Variants in SLC71A2 observed in about 807,000 individuals in gnomAD.
SLC71A2 encodes the protein solute carrier family 71 member 2.
At chr9:94,454,170 G>C in the SLC71A2 span, 1 of 789,814 alleles carries the variant, frequency 1.3e-6, no homozygotes, top group East Asian at 2.5e-5. Context: ...GGGTTATTTT[G>C]CTGGTTTGGT....
chr9:94,459,343 A>C, the SLC71A2 span: 1 of 1,614,122 alleles, frequency 6.2e-7, no homozygotes, highest in Non-Finnish European at 8.5e-7. Flanking sequence ...TTGAGCCACT[A>C]CTGCAAGACA....
At chr9:94,422,906 T>C in the SLC71A2 span, among the ~76,000 whole-genome samples, 1 of 151,170 alleles carries the variant, frequency 6.6e-6, no homozygotes, top group Non-Finnish European at 1.5e-5. Context: ...TATTGATATA[T>C]TTTCCTTATT....
chr9:94,419,298 C>CTT, the SLC71A2 span, among the ~76,000 whole-genome samples: 1,037 of 132,642 alleles, frequency 7.8e-3, 15 homozygotes, highest in Middle Eastern at 0.012. Context: ...ACTTTTTTTT[C>CTT]TTTTTTTTTT....
At chr9:94,445,960 T>G in the SLC71A2 span, among the ~76,000 whole-genome samples, 1 of 152,192 alleles carries the variant, frequency 6.6e-6, no homozygotes, top group Non-Finnish European at 1.5e-5. Context: ...AAGAAATATT[T>G]AGAGAAGGAA....
the SLC71A2 span, among the ~76,000 whole-genome samples, chr9:94,404,622 T>G: frequency 6.6e-6 from 1 of 152,206 alleles, no homozygotes; most frequent in Non-Finnish European, 1.5e-5. Context: ...TTCATGTGCT[T>G]CTTGGCCATT....
the SLC71A2 span, among the ~76,000 whole-genome samples, chr9:94,381,710 C>T: frequency 2.6e-4 from 39 of 152,290 alleles, 1 homozygote; most frequent in Middle Eastern, 0.01. Flanking sequence ...GTGGCTCATG[C>T]GTGTAATCCC....
chr9:94,406,193 G>GA, the SLC71A2 span, among the ~76,000 whole-genome samples: 1 of 145,480 alleles, frequency 6.9e-6, no homozygotes, highest in Non-Finnish European at 1.5e-5. Flanking sequence ...TCAGCCTCCT[G>GA]AGTAGATGGG....
At chr9:94,407,508 A>T in the SLC71A2 span, among the ~76,000 whole-genome samples, 1 of 151,812 alleles carries the variant, frequency 6.6e-6, no homozygotes, top group Non-Finnish European at 1.5e-5. Flanking sequence ...TCACCTGAGT[A>T]GCTGAGATTA....
chr9:94,391,443 A>G, the SLC71A2 span, among the ~76,000 whole-genome samples: 1 of 151,640 alleles, frequency 6.6e-6, no homozygotes, highest in African/African-American at 2.4e-5. Context: ...AAGCAGATTG[A>G]ATTTTGGGGA....
chr9:94,374,951 C>T, the SLC71A2 span: 2 of 1,256,628 alleles, frequency 1.6e-6, no homozygotes, highest in Middle Eastern at 3.1e-4. Context: ...CGGGGCCCGG[C>T]TGCCTGAATC....
the SLC71A2 span, among the ~76,000 whole-genome samples, chr9:94,404,488 G>C: frequency 6.6e-6 from 1 of 151,986 alleles, no homozygotes; most frequent in Non-Finnish European, 1.5e-5. Flanking sequence ...TAGAGACAGG[G>C]TTTCACCATG....
At chr9:94,413,439 T>G in the SLC71A2 span, among the ~76,000 whole-genome samples, 1 of 152,100 alleles carries the variant, frequency 6.6e-6, no homozygotes, top group Non-Finnish European at 1.5e-5. Context: ...TTTAAAAAGT[T>G]AATTGCAGCA....
the SLC71A2 span, among the ~76,000 whole-genome samples, chr9:94,439,173 C>T: frequency 1.3e-5 from 2 of 151,912 alleles, no homozygotes; most frequent in East Asian, 3.9e-4. Context: ...AGACGCCCGG[C>T]TAATTTTTGT....
the SLC71A2 span, chr9:94,456,196 T>G: frequency 2.8e-6 from 4 of 1,421,210 alleles, no homozygotes; most frequent in South Asian, 1.2e-5. Flanking sequence ...GTGAGCTCCT[T>G]GAGGTTGACC....
chr9:94,455,204 G>A, the SLC71A2 span, among the ~76,000 whole-genome samples: 1 of 110,572 alleles, frequency 9.0e-6, no homozygotes, highest in East Asian at 2.9e-4. Flanking sequence ...GTCTGGCTGT[G>A]TTGCCTAGGC....
the SLC71A2 span, chr9:94,444,869 G>C: frequency 0.079 from 87,912 of 1,117,774 alleles, 8,309 homozygotes; most frequent in Admixed American, 0.35. Context: ...CTTTCCTGAA[G>C]GTGTGCACCT....
At chr9:94,404,623 C>T in the SLC71A2 span, among the ~76,000 whole-genome samples, 1 of 152,128 alleles carries the variant, frequency 6.6e-6, no homozygotes, top group Admixed American at 6.6e-5. Context: ...TCATGTGCTT[C>T]TTGGCCATTT....
the SLC71A2 span, among the ~76,000 whole-genome samples, chr9:94,403,930 G>C: frequency 6.6e-6 from 1 of 152,148 alleles, no homozygotes; most frequent in African/African-American, 2.4e-5. Context: ...GGAGTATTGC[G>C]AGGTGGCGCC....
the SLC71A2 span, among the ~76,000 whole-genome samples, chr9:94,449,234 A>G: frequency 2.0e-5 from 3 of 152,226 alleles, no homozygotes; most frequent in Non-Finnish European, 4.4e-5. Flanking sequence ...AATCGGAATC[A>G]TTCCATATTA....
Sources: gnomAD v4.1 joint callset for allele counts (sites outside exome capture counted in the v4.1 genomes callset) on GRCh38, gnomAD v4.1.1 for gene constraint, MANE v1.5 for transcripts, NCBI Gene and HGNC (gene_info 2026-07-23, HGNC 2026-07-21) for gene names.